The following LGALS9C variants were observed in gnomAD, a reference collection of about 807,000 sequenced individuals.
LGALS9C encodes the protein galectin-9C.
A neutral mutation model predicts 41.3 loss-of-function variants in LGALS9C; 7 were observed. That is an observed-to-expected ratio of 0.17 (90% CI 0.10 to 0.32). The LOEUF (loss-of-function observed/expected upper bound fraction) is 0.32. Among genes scored for constraint, LGALS9C ranks in the 10% least tolerant of loss-of-function variants. The pLI, the probability that LGALS9C is intolerant of heterozygous loss-of-function variation, is 1.00. For synonymous variants in LGALS9C, 44 were observed against 171.0 expected (o/e 0.26, Z 5.80); for missense variants, 102 against 455.2 (o/e 0.22, Z 7.06).
intron 1 of LGALS9C, among the ~76,000 whole-genome samples, chr17:18,483,021 T>G (rs1372385616): frequency 8.0e-6 from 1 of 125,102 alleles, no homozygotes; most frequent in Non-Finnish European, 1.9e-5. Context: ...CACCTTCCTA[T>G]TTTACAGATG....
At position 18,494,527 on chromosome 17, in the gene LGALS9C, C is replaced by G; in HGVS notation, c.*160C>G. 1 of 1,163,342 alleles carries G rather than the reference C, an allele frequency of 8.6e-7. No individual in the cohort carries two copies. Among genetic ancestry groups the G allele is most frequent in the Non-Finnish European group, 1.2e-6 (1 of 830,246 alleles). 72.1% of individuals were successfully genotyped at this position (1,163,342 alleles called of 1,614,324 possible). ...TGGTCCTGCTTCTGGCTACAGCCAC[C>G]CTGGAATCGAGAAGGCAGCTGACTG... On this transcript the variant is annotated 3_prime_UTR_variant, in exon 11 of 11. Coordinates refer to ENST00000328114, the MANE Select transcript of LGALS9C (RefSeq NM_001040078.3).
chr17:18,487,789 G>A (rs763476482), intron 4 of LGALS9C, 32 bp downstream of exon 4: 1 of 1,580,404 alleles, frequency 6.3e-7, no homozygotes, highest in East Asian at 2.2e-5. Context: ...CGGTCCCAGG[G>A]GCTGGGATGC....
chr17:18,478,274 T>G lies in LGALS9C; in HGVS notation c.39+1381T>G, dbSNP rs1989277590. On this transcript the variant is annotated intron_variant, in intron 1 of 10. Coordinates refer to ENST00000328114, the MANE Select transcript of LGALS9C (RefSeq NM_001040078.3). The stretch of plus-strand genomic sequence containing the variant: ...TCCAGGTTCTGACATATTATTATTC[T>G]GGTAACTGGTTTTTACTTTCTAATC... 2.3e-5 allele frequency among the ~76,000 whole-genome samples: 3 copies of G among 128,404 alleles called. No homozygotes were observed. In the South Asian group the frequency reaches 7.3e-4, roughly 31 times the overall value. 84.2% of individuals were successfully genotyped at this position (128,404 alleles called of 152,430 possible). A position where few individuals can be genotyped will look rare whatever the true frequency, so the allele number is the denominator to read the frequency against.
chr17:18,483,093 A>G (rs1402713789), intron 1 of LGALS9C, among the ~76,000 whole-genome samples: 3 of 125,624 alleles, frequency 2.4e-5, no homozygotes, highest in Admixed American at 2.3e-4. Flanking sequence ...CAGGAGCAGC[A>G]GAGTTAGGAT....
rs375376259 is a variant in LGALS9C at position 18,484,007 on chromosome 17, C to A, written c.131+41C>A. The A allele has an allele frequency of 9.9e-5, 133 of 1,340,282 alleles. 34 individuals are homozygous for A. The highest frequency in any genetic ancestry group is 1.3e-4 in the Non-Finnish European group (127 of 954,446). 83.0% of individuals were successfully genotyped at this position (1,340,282 alleles called of 1,614,324 possible). On this transcript the variant is annotated intron_variant, in intron 2 of 10. Coordinates refer to ENST00000328114, the MANE Select transcript of LGALS9C (RefSeq NM_001040078.3). The stretch of plus-strand genomic sequence containing the variant: ...TGGAAACGTTTCACTCCAGCCTCGT[C>A]CCTTAGTAAAGCCACTGTGCCTGTG...
At chr17:18,480,077 G>A (rs1382575960) in intron 1 of LGALS9C, among the ~76,000 whole-genome samples, 1 of 119,708 alleles carries the variant, frequency 8.4e-6, no homozygotes, top group African/African-American at 2.7e-5. Context: ...GCATGGTGGT[G>A]CATGCCTGTA....
At chr17:18,492,091 CGAAG>C in intron 8 of LGALS9C, 102 bp downstream of exon 8, 1 of 342,516 alleles carries the variant, frequency 2.9e-6, no homozygotes, top group Admixed American at 5.1e-5. Flanking sequence ...AAATGAAAAG[CGAAG>C]GGCTTTCAAA....
chr17:18,492,911 G>C (rs1210872164), intron 10 of LGALS9C, 52 bp downstream of exon 10: 1 of 1,412,046 alleles, frequency 7.1e-7, no homozygotes, highest in Non-Finnish European at 9.8e-7. Flanking sequence ...TACACGGGGA[G>C]GGGGTAAAGG....
rs1413197708 is a variant in LGALS9C, at chr17:18,477,990, G to A, written c.39+1097G>A. 1.6e-5 allele frequency among the ~76,000 whole-genome samples: 2 copies of A among 125,062 alleles called. 1 individual carries two copies. The highest frequency in any genetic ancestry group is 3.9e-5 in the Non-Finnish European group (2 of 51,130). 82.0% of individuals were successfully genotyped at this position (125,062 alleles called of 152,430 possible). A position where few individuals can be genotyped will look rare whatever the true frequency, so the allele number is the denominator to read the frequency against. ...CTGAGTCCAGAATGAGGCTGCCTATGTTCTGGTCTGCAGAGCTCAGCTCTG... is the reference window on the plus strand; with the variant it reads ...CTGAGTCCAGAATGAGGCTGCCTATATTCTGGTCTGCAGAGCTCAGCTCTG... On this transcript the variant is annotated intron_variant, in intron 1 of 10. Transcript: ENST00000328114.
rs766479111 is a variant in LGALS9C, at chr17:18,486,026, A to G, written c.224A>G (p.Asn75Ser). ...RFEDGGYVVC[N>S]TRQKGTWGPE... Reference sequence around the variant, plus strand: ...GAAGACGGAGGGTATGTGGTGTGCAACACGAGGCAGAAAGGAACATGGGGG... The same window carrying G: ...GAAGACGGAGGGTATGTGGTGTGCAGCACGAGGCAGAAAGGAACATGGGGG... Residue 75 changes from asparagine to serine, a missense_variant, in exon 3 of 11, where the codon AAC becomes AGC. Physicochemically the swap from Asn to Ser is conservative, Grantham distance 46. Coordinates refer to ENST00000328114, the MANE Select transcript of LGALS9C (RefSeq NM_001040078.3). 2.3e-6 allele frequency: 3 copies of G among 1,278,964 alleles called. No individual in the cohort carries two copies. In the East Asian group the frequency reaches 6.7e-5, roughly 29 times the overall value. 79.2% of individuals were successfully genotyped at this position (1,278,964 alleles called of 1,614,324 possible).
intron 4 of LGALS9C, 107 bp downstream of exon 4, chr17:18,487,864 A>C: frequency 6.9e-7 from 1 of 1,454,128 alleles, no homozygotes; most frequent in Non-Finnish European, 9.4e-7. Context: ...TACCCAGGTC[A>C]CTCTGGGGAC....
At chr17:18,477,179 G>C (rs1455184357) in intron 1 of LGALS9C, among the ~76,000 whole-genome samples, 1 of 133,104 alleles carries the variant, frequency 7.5e-6, no homozygotes, top group East Asian at 1.9e-4. Context: ...GAGTGGGATG[G>C]TTTGTGTAAA....
At position 18,488,632 on chromosome 17, in the gene LGALS9C, G is replaced by A. The variant is rs536055148; in HGVS notation, c.445-309G>A. On this transcript the variant is annotated intron_variant, in intron 4 of 10. Transcript: ENST00000328114. ...GGCATTCAAGGGAGCTCCCTGAGAT[G>A]AGCGAAGTGCACAGTAGGCCCTCAG... Among the ~76,000 whole-genome samples the A allele has an allele frequency of 1.8e-3, 223 of 121,998 alleles. 58 individuals carry two copies. The highest frequency in any genetic ancestry group is 3.3e-3 in the Non-Finnish European group (169 of 50,556). The allele number at this position is 121,998 out of a possible 152,430, so 80.0% of individuals were successfully genotyped here.
intron 1 of LGALS9C, among the ~76,000 whole-genome samples, chr17:18,483,051 A>C (rs1370516258): frequency 8.0e-6 from 1 of 125,226 alleles, no homozygotes; most frequent in African/African-American, 2.6e-5. Context: ...AGGCAAAGAG[A>C]GGTGAAATAG....
chr17:18,485,068 T>C (rs1989544041), intron 2 of LGALS9C, among the ~76,000 whole-genome samples: 1 of 129,824 alleles, frequency 7.7e-6, no homozygotes. Flanking sequence ...TGTCTCTCCC[T>C]TCCTTGGGGC....
At chr17:18,476,956 G>A in intron 1 of LGALS9C, 63 bp downstream of exon 1, 4 of 1,424,812 alleles carry the variant, frequency 2.8e-6, no homozygotes, top group Non-Finnish European at 3.9e-6. Flanking sequence ...CTGGGGCTCT[G>A]AGGAAGCAAC....
intron 6 of LGALS9C, chr17:18,491,065 G>C (rs1989785997): frequency 2.9e-6 from 2 of 678,450 alleles, no homozygotes; most frequent in Admixed American, 3.1e-5. Flanking sequence ...GGAAAGATGG[G>C]CCAGAGCCAC....
Position 18,482,507 on chromosome 17 carries a change from CAAA to C in LGALS9C, c.40-1352_40-1350del, listed in dbSNP as rs1166687895. Among the ~76,000 whole-genome samples, 47 of 95,266 alleles carry C rather than the reference CAAA, an allele frequency of 4.9e-4. 2 individuals carry two copies. The highest frequency in any genetic ancestry group is 1.7e-3 in the South Asian group (5 of 2,940). 62.5% of individuals were successfully genotyped at this position (95,266 alleles called of 152,430 possible). A position where few individuals can be genotyped will look rare whatever the true frequency, so the allele number is the denominator to read the frequency against. On this transcript the variant is annotated intron_variant, in intron 1 of 10. Transcript: ENST00000328114. The stretch of plus-strand genomic sequence containing the variant: ...TCCCCCAAGAAATTAGAAAGTTTTA[CAAA>C]AAAAAAAAAAAAAAATTCAGGTTTC...
At chr17:18,491,392 A>G (rs3892055) in intron 7 of LGALS9C, 69 bp downstream of exon 7, 533,154 of 1,343,174 alleles carry the variant, frequency 0.4, 76,106 homozygotes, top group Middle Eastern at 0.45. Flanking sequence ...TAAACTCCCT[A>G]GAGCCCTAGA....
Sources: allele counts gnomAD v4.1 joint callset (sites outside exome capture counted in the v4.1 genomes callset), GRCh38; gene constraint gnomAD v4.1.1; transcripts MANE v1.5; gene names NCBI Gene and HGNC (gene_info 2026-07-23, HGNC 2026-07-21).